The following ROBO1 variants were observed in gnomAD, a reference collection of about 807,000 sequenced individuals.
The protein encoded by ROBO1 is roundabout guidance receptor 1.
ROBO1 carries 149 observed loss-of-function variants against 195.9 expected under a neutral mutation model. The ratio of observed to expected loss-of-function variants is 0.76; its 90% CI spans 0.67 to 0.87. The LOEUF is 0.87. ROBO1 is among the 40% of genes least tolerant of loss of function. The pLI, the probability that ROBO1 is intolerant of heterozygous loss-of-function variation, is 0.00. For missense variants in ROBO1, 1,933 were observed against 2,068.3 expected (o/e 0.93, Z 1.27); for synonymous variants, 816 against 733.2 (o/e 1.11, Z -1.82).
At chr3:78,844,445 G>A (rs2033512593) in intron 4 of ROBO1, among the ~76,000 whole-genome samples, 1 of 152,028 alleles carries the variant, frequency 6.6e-6, no homozygotes, top group East Asian at 1.9e-4. Context: ...AGAAGTTTGT[G>A]ATATGCCGTA....
At chr3:79,515,068 A>C (rs1940884803) in intron 2 of ROBO1, among the ~76,000 whole-genome samples, 1 of 152,182 alleles carries the variant, frequency 6.6e-6, no homozygotes, top group Non-Finnish European at 1.5e-5. Flanking sequence ...ACTAAATGTA[A>C]AATTCTCCGA....
chr3:79,517,983 C>T (rs368446445), intron 2 of ROBO1, among the ~76,000 whole-genome samples: 3 of 152,104 alleles, frequency 2.0e-5, no homozygotes, highest in Non-Finnish European at 2.9e-5. Flanking sequence ...TTATTGACCA[C>T]GTTGGCTTGG....
chr3:78,658,548 C>T (rs1300480917), intron 17 of ROBO1, among the ~76,000 whole-genome samples: 1 of 152,178 alleles, frequency 6.6e-6, no homozygotes, highest in Non-Finnish European at 1.5e-5. Context: ...TCTCAAAGTG[C>T]TGGGATTACA....
At chr3:79,569,126 GCACACA>G (rs71127393) in intron 2 of ROBO1, among the ~76,000 whole-genome samples, 18,915 of 149,684 alleles carry the variant, frequency 0.13, 1,320 homozygotes, top group African/African-American at 0.18. Context: ...GTGCACACGC[GCACACA>G]CACACACACA....
intron 29 of ROBO1, among the ~76,000 whole-genome samples, chr3:78,606,485 T>C (rs1040528869): frequency 1.3e-5 from 2 of 152,190 alleles, no homozygotes; most frequent in African/African-American, 4.8e-5. Flanking sequence ...CCCTTCTCCC[T>C]CTTTAACCTG....
At chr3:78,945,470 A>G (rs1393695327) in intron 3 of ROBO1, among the ~76,000 whole-genome samples, 1 of 152,198 alleles carries the variant, frequency 6.6e-6, no homozygotes, top group Non-Finnish European at 1.5e-5. Context: ...TGTCTGTTAG[A>G]AAGAAAACTA....
intron 3 of ROBO1, among the ~76,000 whole-genome samples, chr3:78,959,085 G>A (rs1378848036): frequency 6.6e-6 from 1 of 152,026 alleles, no homozygotes; most frequent in Non-Finnish European, 1.5e-5. Context: ...ATACAGGCAT[G>A]AGCACTGTAC....
At position 79,218,489 on chromosome 3, in the gene ROBO1, C is replaced by A. The variant is rs147713787; in HGVS notation, c.89-92950G>T. On this transcript the variant is annotated intron_variant, in intron 2 of 30. Coordinates refer to ENST00000464233, the MANE Select transcript of ROBO1 (RefSeq NM_002941.4). Reference sequence around the variant, plus strand: ...ATTCTTTTGGATAGAGTCCAAAATGCATCTCTCTTATACTGAATCCTATTT... The same window carrying A: ...ATTCTTTTGGATAGAGTCCAAAATGAATCTCTCTTATACTGAATCCTATTT... Among the ~76,000 whole-genome samples the A allele has an allele frequency of 5.3e-3, 808 of 152,036 alleles. 8 individuals are homozygous for A. The highest frequency in any genetic ancestry group is 0.018 in the African/African-American group (767 of 41,510).
intron 2 of ROBO1, among the ~76,000 whole-genome samples, chr3:79,309,174 AT>A (rs1261887593): frequency 2.0e-5 from 3 of 152,198 alleles, no homozygotes; most frequent in Non-Finnish European, 4.4e-5. Context: ...ATGTGTCTGT[AT>A]GTGTGCCAGG....
chr3:79,676,309 G>A (rs1314721623), intron 1 of ROBO1, among the ~76,000 whole-genome samples: 2 of 151,876 alleles, frequency 1.3e-5, no homozygotes, highest in Non-Finnish European at 2.9e-5. Context: ...ATTATCTGTC[G>A]CTATGTGCCA....
intron 2 of ROBO1, among the ~76,000 whole-genome samples, chr3:79,534,062 G>A (rs767156350): frequency 5.4e-5 from 8 of 146,940 alleles, no homozygotes; most frequent in Non-Finnish European, 7.4e-5. Context: ...GCAGAGTGAC[G>A]TGAGAAAGAC....
intron 1 of ROBO1, among the ~76,000 whole-genome samples, chr3:79,765,266 C>T (rs1704921306): frequency 6.6e-6 from 1 of 152,154 alleles, no homozygotes; most frequent in Admixed American, 6.5e-5. Flanking sequence ...AAGGTGAATG[C>T]CCCCACTCCT....
intron 8 of ROBO1, among the ~76,000 whole-genome samples, chr3:78,705,182 A>G (rs2081519993): frequency 6.6e-6 from 1 of 152,176 alleles, no homozygotes; most frequent in South Asian, 2.1e-4. Flanking sequence ...TAAAACAATA[A>G]CCAAACTTCA....
intron 2 of ROBO1, among the ~76,000 whole-genome samples, chr3:79,318,571 T>C (rs1252247674): frequency 1.3e-5 from 2 of 152,204 alleles, no homozygotes; most frequent in Non-Finnish European, 2.9e-5. Context: ...AATTCTTTGA[T>C]GAATTGACAT....
intron 1 of ROBO1, among the ~76,000 whole-genome samples, chr3:79,591,046 C>G (rs1461033782): frequency 6.6e-6 from 1 of 151,592 alleles, no homozygotes. Context: ...GAAGATAACT[C>G]TGGTAGGAAT....
chr3:79,621,558 C>T (rs929247117), intron 1 of ROBO1, among the ~76,000 whole-genome samples: 6 of 152,110 alleles, frequency 3.9e-5, no homozygotes, highest in Admixed American at 6.5e-5. Flanking sequence ...AGATTAACAG[C>T]GGACTTCTGA....
At chr3:79,277,099 C>T (rs2031101089) in intron 2 of ROBO1, among the ~76,000 whole-genome samples, 1 of 151,912 alleles carries the variant, frequency 6.6e-6, no homozygotes, top group Non-Finnish European at 1.5e-5. Flanking sequence ...TCATATGATG[C>T]AGCAATCTCA....
intron 2 of ROBO1, among the ~76,000 whole-genome samples, chr3:79,459,000 C>A (rs980562695): frequency 6.6e-6 from 1 of 151,834 alleles, no homozygotes; most frequent in African/African-American, 2.4e-5. Flanking sequence ...CTATCATGAC[C>A]CTATAAAACT....
intron 3 of ROBO1, among the ~76,000 whole-genome samples, chr3:79,028,509 G>A (rs754496693): frequency 4.6e-5 from 7 of 151,870 alleles, no homozygotes; most frequent in Non-Finnish European, 8.8e-5. Flanking sequence ...TTCTAATCCT[G>A]TGAAGGTGTG....
Sources: allele counts gnomAD v4.1 joint callset (sites outside exome capture counted in the v4.1 genomes callset), GRCh38; gene constraint gnomAD v4.1.1; transcripts MANE v1.5; gene names NCBI Gene and HGNC (gene_info 2026-07-23, HGNC 2026-07-21).